Variants in DPP6 observed in about 807,000 individuals in gnomAD.
DPP6 encodes A-type potassium channel modulatory protein DPP6.
A neutral mutation model predicts 122.6 loss-of-function variants in DPP6; 69 were observed. The ratio of observed to expected loss-of-function variants is 0.56; its 90% CI spans 0.46 to 0.69. DPP6 has a LOEUF of 0.69. DPP6 is among the 30% of genes least tolerant of loss of function. The pLI is 0.00. For missense variants in DPP6, 928 were observed against 1,116.9 expected (o/e 0.83, Z 2.41); for synonymous variants, 418 against 433.1 (o/e 0.97, Z 0.43).
At chr7:154,535,155 A>AT (rs1281682240) in intron 3 of DPP6, among the ~76,000 whole-genome samples, 13 of 152,186 alleles carry the variant, frequency 8.5e-5, no homozygotes, top group African/African-American at 3.1e-4. Context: ...GGAATAACAA[A>AT]CGAGTTATGT....
Position 154,488,727 on chromosome 7 carries a change from A to G in DPP6, c.457+13690A>G, listed in dbSNP as rs543384140. On this transcript the variant is annotated intron_variant, in intron 3 of 25. Transcript: ENST00000377770. The stretch of plus-strand genomic sequence containing the variant: ...AGCCCACATATTTACAAATCTTCCA[A>G]CTGGATGGGGCCATCCAGAAACACA... 5.9e-5 allele frequency among the ~76,000 whole-genome samples: 9 copies of G among 152,164 alleles called. No homozygotes were observed. The East Asian group carries it at 1.5e-3, about 26-fold the overall frequency.
At position 154,652,862 on chromosome 7, in the gene DPP6, G is replaced by A. The variant is rs544633179; in HGVS notation, c.680+14989G>A. ...TCCCTGAGTCGGAGCTGATACCAGC[G>A]AACGGCTTCAGAAAGTAAAAAACAT... On this transcript the variant is annotated intron_variant, in intron 6 of 25. Coordinates refer to ENST00000377770, the MANE Select transcript of DPP6 (RefSeq NM_130797.4). Among the ~76,000 whole-genome samples the A allele has an allele frequency of 6.6e-5, 10 of 152,182 alleles. No individual in the cohort carries two copies. The East Asian group carries it at 9.7e-4, about 15-fold the overall frequency.
chr7:154,364,079 A>T (rs1354296427), intron 1 of DPP6, among the ~76,000 whole-genome samples: 1 of 152,132 alleles, frequency 6.6e-6, no homozygotes, highest in Non-Finnish European at 1.5e-5. Flanking sequence ...CTTACCTCAA[A>T]GTTACTTTCT....
At chr7:154,061,289 A>G (rs1187671332) in intron 1 of DPP6, among the ~76,000 whole-genome samples, 3 of 148,938 alleles carry the variant, frequency 2.0e-5, no homozygotes, top group Non-Finnish European at 3.0e-5. Flanking sequence ...ATGAGTTACA[A>G]GAAAATCTTC....
At chr7:154,208,024 A>G (rs1799542705) in intron 1 of DPP6, among the ~76,000 whole-genome samples, 1 of 152,198 alleles carries the variant, frequency 6.6e-6, no homozygotes, top group Admixed American at 6.5e-5. Flanking sequence ...CTAATTACAT[A>G]TCACTTGTTT....
chr7:154,868,694 C>T (rs1363789148), intron 18 of DPP6, among the ~76,000 whole-genome samples: 1 of 152,222 alleles, frequency 6.6e-6, no homozygotes, highest in Non-Finnish European at 1.5e-5. Flanking sequence ...GGACTCACAG[C>T]TCTAGGAGGG....
intron 1 of DPP6, among the ~76,000 whole-genome samples, chr7:154,320,460 A>G (rs1807843264): frequency 7.2e-6 from 1 of 139,828 alleles, no homozygotes; most frequent in Non-Finnish European, 1.6e-5. Context: ...GAGATAAAAT[A>G]GCCAATTGTA....
At chr7:154,659,242 G>A (rs933328954) in intron 6 of DPP6, among the ~76,000 whole-genome samples, 2 of 152,194 alleles carry the variant, frequency 1.3e-5, no homozygotes, top group African/African-American at 4.8e-5. Flanking sequence ...GAGCCCATTT[G>A]TTTTTGCTAC....
chr7:154,795,056 T>C (rs1797957559), intron 11 of DPP6, among the ~76,000 whole-genome samples: 1 of 152,028 alleles, frequency 6.6e-6, no homozygotes, highest in Non-Finnish European at 1.5e-5. Context: ...TTATCTAACC[T>C]GGGGCGGATT....
intron 10 of DPP6, among the ~76,000 whole-genome samples, chr7:154,783,614 G>A (rs559092255): frequency 5.3e-5 from 8 of 152,262 alleles, no homozygotes; most frequent in South Asian, 2.1e-4. Flanking sequence ...TTCTGTTGAC[G>A]TTGAGTGTTC....
intron 1 of DPP6, among the ~76,000 whole-genome samples, chr7:154,070,474 G>T (rs1044415178): frequency 9.2e-5 from 14 of 152,118 alleles, no homozygotes; most frequent in African/African-American, 2.7e-4. Context: ...AATTTTAAGT[G>T]TTTTATGTGA....
At chr7:153,895,941 G>C (rs1799396646) in intron 1 of DPP6, among the ~76,000 whole-genome samples, 1 of 152,202 alleles carries the variant, frequency 6.6e-6, no homozygotes, top group African/African-American at 2.4e-5. Flanking sequence ...TTTCCAGTGT[G>C]GTGTTACTCG....
chr7:154,857,719 C>T (rs1290357140), intron 17 of DPP6, among the ~76,000 whole-genome samples: 5 of 152,202 alleles, frequency 3.3e-5, no homozygotes, highest in South Asian at 2.1e-4. Flanking sequence ...GGTTGGACCA[C>T]ATCAGAGCCT....
In DPP6 at chr7:154,183,578, G is replaced by A. The variant is rs117864969; in HGVS notation, c.243+130515G>A. Among the ~76,000 whole-genome samples, 493 of 152,262 alleles carry A rather than the reference G, an allele frequency of 3.2e-3. 1 individual carries two copies. Among genetic ancestry groups the A allele is most frequent in the South Asian group, 6.0e-3 (29 of 4,820 alleles). ...AGAGAGCCTCAGCATTCACTAGGGC[G>A]TCTTCCTTCCTCCCCTCCTCCTTTC... On this transcript the variant is annotated intron_variant, in intron 1 of 25. Coordinates refer to ENST00000377770, the MANE Select transcript of DPP6 (RefSeq NM_130797.4).
At chr7:154,480,166 T>C (rs1029318378) in intron 3 of DPP6, among the ~76,000 whole-genome samples, 1 of 152,184 alleles carries the variant, frequency 6.6e-6, no homozygotes, top group Non-Finnish European at 1.5e-5. Context: ...GGCTGATTCC[T>C]ATCATGAACG....
At chr7:154,231,165 AGATCTTGGGATCACAGGTTT>A (rs1219745579) in intron 1 of DPP6, among the ~76,000 whole-genome samples, 4 of 152,206 alleles carry the variant, frequency 2.6e-5, no homozygotes, top group Non-Finnish European at 1.5e-5. Flanking sequence ...TCTTTACTCA[AGATCTTGGGATCACAGGTTT>A]GATCTGGATC....
intron 16 of DPP6, among the ~76,000 whole-genome samples, chr7:154,845,432 T>C (rs1801867603): frequency 6.6e-6 from 1 of 152,026 alleles, no homozygotes; most frequent in Non-Finnish European, 1.5e-5. Flanking sequence ...CTAAATAACA[T>C]AAAAAACAGC....
At chr7:154,396,394 C>T (rs913547626) in intron 1 of DPP6, among the ~76,000 whole-genome samples, 1 of 152,022 alleles carries the variant, frequency 6.6e-6, no homozygotes. Context: ...GTGGACAGGA[C>T]CCTTATTCTA....
At chr7:154,176,688 A>C (rs567115674) in intron 1 of DPP6, among the ~76,000 whole-genome samples, 3 of 152,274 alleles carry the variant, frequency 2.0e-5, no homozygotes, top group East Asian at 3.9e-4. Flanking sequence ...TGGGTCTCTG[A>C]TCAACCCTGC....
Sources: gnomAD v4.1 joint callset for allele counts (sites outside exome capture counted in the v4.1 genomes callset) on GRCh38, gnomAD v4.1.1 for gene constraint, MANE v1.5 for transcripts, NCBI Gene and HGNC (gene_info 2026-07-23, HGNC 2026-07-21) for gene names.